CWF19L2: variants seen among roughly 807,000 people sequenced by gnomAD.
The protein encoded by CWF19L2 is CWF19-like protein 2.
In CWF19L2, 98 loss-of-function variants were observed where a neutral mutation model predicts 111.7. The observed-to-expected ratio is 0.88, with a 90% CI of 0.75 to 1.04. The LOEUF is 1.04. Among genes scored for constraint, CWF19L2 ranks in the 50% least tolerant of loss-of-function variants. CWF19L2 has a pLI of 0.00. For synonymous variants in CWF19L2, 351 were observed against 342.9 expected, an observed-to-expected ratio of 1.02 and a Z score of -0.26; for missense variants, 1,101 against 1,051.4, an observed-to-expected ratio of 1.05 and a Z score of -0.65.
chr11:107,374,071 A>G (rs1860558083), intron 12 of CWF19L2, among the ~76,000 whole-genome samples: 1 of 136,792 alleles, frequency 7.3e-6, no homozygotes, highest in African/African-American at 3.0e-5. Context: ...GTTTAGAGAA[A>G]AAAGAATAAA....
intron 6 of CWF19L2, 33 bp downstream of exon 6, chr11:107,439,055 AAC>A: frequency 1.0e-6 from 1 of 981,500 alleles, no homozygotes; most frequent in Non-Finnish European, 1.5e-6. Flanking sequence ...AAAAAAAAAA[AAC>A]CCTGTGTGTC....
chr11:107,456,728 A>G (rs186562199), intron 1 of CWF19L2, among the ~76,000 whole-genome samples: 3 of 152,318 alleles, frequency 2.0e-5, no homozygotes, highest in East Asian at 3.9e-4. Flanking sequence ...GGTGCATATA[A>G]TAATTCTTGG....
intron 12 of CWF19L2, among the ~76,000 whole-genome samples, chr11:107,372,169 G>A (rs1299116872): frequency 7.4e-6 from 1 of 134,950 alleles, no homozygotes; most frequent in African/African-American, 3.0e-5. Flanking sequence ...CCAATCATAT[G>A]AGACTTACAG....
rs1239065408 is a variant in CWF19L2, at chr11:107,353,540, A to G, written c.2069T>C (p.Val690Ala). 6.2e-7 allele frequency: 1 copy of G among 1,613,312 alleles called. No homozygotes were observed. The highest frequency in any genetic ancestry group is 8.5e-7 in the Non-Finnish European group (1 of 1,179,500). Reference sequence around the variant, plus strand: ...ACTTCTTACCTTAACACCTATTGCAACAATAAGATGCTTGGGAAATTGAGA... The same window carrying G: ...ACTTCTTACCTTAACACCTATTGCAGCAATAAGATGCTTGGGAAATTGAGA... Reference protein sequence around the residue: ...DSSQFPKHLIVAIGVKVYLCL... With the variant: ...DSSQFPKHLIAAIGVKVYLCL... The change falls in exon 13 of 18, where the codon GTT becomes GCT. Residue 690 changes from valine (V) to alanine (A), a missense_variant. Transcript: ENST00000282251.
Position 107,418,298 on chromosome 11 carries a change from A to G in CWF19L2, c.1434-11T>C. Reference sequence around the variant, plus strand: ...TCACGCTCTGGACTGCTATTGGAATAGGAAAGATTAACAGCATATGAAATA... The same window carrying G: ...TCACGCTCTGGACTGCTATTGGAATGGGAAAGATTAACAGCATATGAAATA... On this transcript the variant is annotated splice_polypyrimidine_tract_variant and intron_variant, in intron 8 of 17. Coordinates refer to ENST00000282251, the MANE Select transcript of CWF19L2 (RefSeq NM_152434.3). 1.9e-6 allele frequency: 3 copies of G among 1,563,220 alleles called. No homozygotes were observed. In the Middle Eastern group the frequency reaches 5.0e-4, roughly 262 times the overall value.
intron 12 of CWF19L2, among the ~76,000 whole-genome samples, chr11:107,388,767 T>C (rs1052630771): frequency 3.3e-5 from 5 of 152,222 alleles, no homozygotes; most frequent in Admixed American, 2.6e-4. Flanking sequence ...ACTAAAACTA[T>C]TTAATTCAGA....
chr11:107,427,231 T>TCTTTC (rs58172740), intron 8 of CWF19L2, among the ~76,000 whole-genome samples: 4 of 149,638 alleles, frequency 2.7e-5, no homozygotes. Context: ...GAATCTTTTT[T>TCTTTC]TTTGGATGAT....
chr11:107,382,570 A>G (rs1565261989), intron 12 of CWF19L2, among the ~76,000 whole-genome samples: 1 of 152,210 alleles, frequency 6.6e-6, no homozygotes, highest in Non-Finnish European at 1.5e-5. Context: ...GTTACTATAT[A>G]CCTATTATGT....
intron 10 of CWF19L2, among the ~76,000 whole-genome samples, chr11:107,409,079 T>C (rs1861120610): frequency 6.6e-6 from 1 of 151,088 alleles, no homozygotes; most frequent in African/African-American, 2.4e-5. Context: ...CTGCAGGGAT[T>C]GGGATGCTAA....
At chr11:107,383,153 T>A (rs775284962) in intron 12 of CWF19L2, among the ~76,000 whole-genome samples, 12 of 152,192 alleles carry the variant, frequency 7.9e-5, no homozygotes, top group Non-Finnish European at 1.5e-4. Flanking sequence ...TCCAGCAAAT[T>A]AATCGTACCC....
At chr11:107,327,548 A>C (rs1859779300) in intron 17 of CWF19L2, among the ~76,000 whole-genome samples, 1 of 152,234 alleles carries the variant, frequency 6.6e-6, no homozygotes, top group Admixed American at 6.5e-5. Context: ...ATCCTATTGT[A>C]ATACTAGTTT....
intron 12 of CWF19L2, among the ~76,000 whole-genome samples, chr11:107,370,210 C>T (rs1860488057): frequency 7.3e-6 from 1 of 136,972 alleles, no homozygotes; most frequent in Non-Finnish European, 1.6e-5. Flanking sequence ...AAAAGTTGTT[C>T]TTCTATTAAA....
rs1860245788 is a variant in CWF19L2 at position 107,356,946 on chromosome 11, GAGAATTGCTT to G, written c.1873-3220_1873-3211del. On this transcript the variant is annotated intron_variant, in intron 12 of 17. Transcript: ENST00000282251. ...CCAGCTACTCAGGAGGCTGAGGCAG[GAGAATTGCTT>G]GAACCCAGGAGGCGGAGGTTGCTGT... 2.0e-5 allele frequency among the ~76,000 whole-genome samples: 3 copies of G among 152,200 alleles called. No homozygotes were observed. In the South Asian group the frequency reaches 6.2e-4, roughly 31 times the overall value.
intron 12 of CWF19L2, among the ~76,000 whole-genome samples, chr11:107,364,558 T>G (rs1163652219): frequency 2.8e-5 from 4 of 142,376 alleles, no homozygotes; most frequent in Admixed American, 2.7e-4. Context: ...CTGAACAACC[T>G]GCTCCTGAAT....
intron 15 of CWF19L2, 139 bp downstream of exon 15, chr11:107,336,419 G>T: frequency 1.4e-6 from 1 of 712,478 alleles, no homozygotes; most frequent in Non-Finnish European, 2.2e-6. Flanking sequence ...GTGAGGCACT[G>T]TGCCCGGCCT....
chr11:107,370,107 T>TTATTTAAATAACCA (rs1257307743), intron 12 of CWF19L2, among the ~76,000 whole-genome samples: 1 of 137,794 alleles, frequency 7.3e-6, no homozygotes, highest in Admixed American at 7.1e-5. Flanking sequence ...AACCATTAAG[T>TTATTTAAATAACCA]TTAACTTCAG....
At chr11:107,356,876 A>G (rs1279030583) in intron 12 of CWF19L2, among the ~76,000 whole-genome samples, 1 of 152,030 alleles carries the variant, frequency 6.6e-6, no homozygotes, top group Non-Finnish European at 1.5e-5. Flanking sequence ...TGTCTCTACT[A>G]AAAATACAAA....
chr11:107,380,449 G>C (rs1277391495), intron 12 of CWF19L2, among the ~76,000 whole-genome samples: 2 of 152,114 alleles, frequency 1.3e-5, no homozygotes, highest in Non-Finnish European at 2.9e-5. Context: ...ATTAAAATCT[G>C]AGAGAACTGT....
intron 15 of CWF19L2, among the ~76,000 whole-genome samples, chr11:107,335,801 A>C (rs750335903): frequency 6.6e-6 from 1 of 152,212 alleles, no homozygotes; most frequent in Non-Finnish European, 1.5e-5. Context: ...ATAAAATAAC[A>C]TTCAAATAAG....
Sources: allele counts gnomAD v4.1 joint callset (sites outside exome capture counted in the v4.1 genomes callset), GRCh38; gene constraint gnomAD v4.1.1; transcripts MANE v1.5; gene names NCBI Gene and HGNC (gene_info 2026-07-23, HGNC 2026-07-21).